Variants in CATSPERE observed in about 807,000 individuals in gnomAD.
CATSPERE encodes the protein catsper channel auxiliary subunit epsilon, also known as cation channel sperm-associated auxiliary subunit epsilon.
CATSPERE carries 93 observed loss-of-function variants against 114.1 expected under a neutral mutation model. That is an observed-to-expected ratio of 0.81 (90% confidence interval 0.69 to 0.97). The LOEUF is 0.97. Ranked by LOEUF, CATSPERE falls within the 50% of genes least tolerant of loss-of-function variation. The pLI is 0.00. For missense variants in CATSPERE, 1,058 were observed against 1,131.6 expected (o/e 0.93, Z 0.93); for synonymous variants, 341 against 384.1 (o/e 0.89, Z 1.31).
intron 8 of CATSPERE, among the ~76,000 whole-genome samples, chr1:244,528,491 A>T (rs546424558): frequency 3.2e-4 from 48 of 152,202 alleles, no homozygotes; most frequent in Admixed American, 7.9e-4. Flanking sequence ...TAGTTTTTTT[A>T]AATTTTTAAA....
chr1:244,557,582 TAA>T (rs1322096175), intron 9 of CATSPERE, among the ~76,000 whole-genome samples: 2 of 108,106 alleles, frequency 1.9e-5, no homozygotes, highest in South Asian at 3.0e-4. Flanking sequence ...TATATATATA[TAA>T]AATCTCCCAG....
At chr1:244,622,175 A>G (rs1051497284) in intron 20 of CATSPERE, among the ~76,000 whole-genome samples, 1 of 152,184 alleles carries the variant, frequency 6.6e-6, no homozygotes, top group Non-Finnish European at 1.5e-5. Flanking sequence ...GTAAGGTTTT[A>G]TGTAATAAAA....
chr1:244,588,291 C>T (rs1430005336), intron 13 of CATSPERE, among the ~76,000 whole-genome samples, 191 bp from the exon 14 acceptor site: 1 of 136,800 alleles, frequency 7.3e-6, no homozygotes, highest in Non-Finnish European at 1.6e-5. Context: ...GCAGTAAAGA[C>T]AAAAGGAAGG....
At chr1:244,580,808 C>G (rs934365816) in intron 11 of CATSPERE, among the ~76,000 whole-genome samples, 9 of 152,132 alleles carry the variant, frequency 5.9e-5, no homozygotes, top group African/African-American at 2.2e-4. Flanking sequence ...CAAGACCAGC[C>G]TGACCAACAT....
chr1:244,490,515 G>C (rs371816626), intron 6 of CATSPERE, 44 bp downstream of exon 6: 25 of 1,121,186 alleles, frequency 2.2e-5, no homozygotes, highest in Middle Eastern at 2.0e-4. Context: ...TATATCACTA[G>C]TATATTGTTT....
Position 244,553,602 on chromosome 1 carries a change from TACACACACACAC to T in CATSPERE, c.1029+820_1029+831del, listed in dbSNP as rs67626437. Among the ~76,000 whole-genome samples the T allele has an allele frequency of 6.4e-3, 590 of 91,946 alleles. 9 individuals are homozygous for T. Among genetic ancestry groups the T allele is most frequent in the African/African-American group, 0.025 (502 of 19,788 alleles). The allele number at this position is 91,946 out of a possible 152,430, so 60.3% of individuals were successfully genotyped here. On this transcript the variant is annotated intron_variant, in intron 9 of 21. Transcript: ENST00000366534. The stretch of plus-strand genomic sequence containing the variant: ...TCTCAAAAAAAAAAAAAAAAAAAAA[TACACACACACAC>T]ACACACACACACACACACACACACA...
At chr1:244,551,182 A>G (rs1328330120) in intron 8 of CATSPERE, among the ~76,000 whole-genome samples, 2 of 152,196 alleles carry the variant, frequency 1.3e-5, no homozygotes, top group Non-Finnish European at 2.9e-5. Context: ...CAGGGTCTCA[A>G]AAAATGTATG....
rs746428157 is a variant in CATSPERE, at chr1:244,588,482, G to T, written c.2086G>T (p.Val696Leu). Reference sequence around the variant, plus strand: ...CACTACCTAAGTTACTTCATTTTAGGTGTTCCAAATAGCTGTTGGCTGTGA... The same window carrying T: ...CACTACCTAAGTTACTTCATTTTAGTTGTTCCAAATAGCTGTTGGCTGTGA... The part of the protein sequence containing the change: ...YSKACPIAQK[V>L]FQIAVGCDDK... Residue 696 changes from valine to leucine, a missense_variant and splice_region_variant, in exon 14 of 22, where the codon GTG becomes TTG. Physicochemically the swap from Val to Leu is conservative, Grantham distance 32 (BLOSUM62 1). Coordinates refer to ENST00000366534, the MANE Select transcript of CATSPERE (RefSeq NM_001130957.2). 1 of 1,609,970 alleles carries T rather than the reference G, an allele frequency of 6.2e-7. No homozygotes were observed. The highest frequency in any genetic ancestry group is 1.7e-5 in the Admixed American group (1 of 59,996).
chr1:244,486,969 G>A (rs368349894), intron 5 of CATSPERE, among the ~76,000 whole-genome samples: 495 of 148,396 alleles, frequency 3.3e-3, no homozygotes, highest in Non-Finnish European at 4.5e-3. Flanking sequence ...TGGAGTACTC[G>A]TGGGCCATGT....
chr1:244,511,706 G>A (rs972375208), intron 7 of CATSPERE, among the ~76,000 whole-genome samples: 2 of 152,074 alleles, frequency 1.3e-5, no homozygotes, highest in Non-Finnish European at 2.9e-5. Flanking sequence ...TCCAGATATA[G>A]GACTTCCTTA....
chr1:244,584,542 A>G (rs1331595562), intron 13 of CATSPERE, among the ~76,000 whole-genome samples: 1 of 151,850 alleles, frequency 6.6e-6, no homozygotes, highest in African/African-American at 2.4e-5. Flanking sequence ...ACTATATTAT[A>G]TATTATATTA....
chr1:244,559,105 G>C (rs1662148851), intron 9 of CATSPERE, among the ~76,000 whole-genome samples: 1 of 152,212 alleles, frequency 6.6e-6, no homozygotes, highest in Non-Finnish European at 1.5e-5. Context: ...GTGAGTGAGA[G>C]TGAAAACTCA....
At chr1:244,581,709 T>A in intron 11 of CATSPERE, 87 bp from the exon 12 acceptor site, 1 of 602,296 alleles carries the variant, frequency 1.7e-6, no homozygotes, top group Non-Finnish European at 3.0e-6. Context: ...TTTACATGCC[T>A]AGATGTAGAA....
At chr1:244,617,271 G>C (rs1671512858) in intron 19 of CATSPERE, among the ~76,000 whole-genome samples, 1 of 152,180 alleles carries the variant, frequency 6.6e-6, no homozygotes, top group South Asian at 2.1e-4. Flanking sequence ...GTTGATTTAG[G>C]AAAATAATAT....
chr1:244,541,289 T>A (rs961432939), intron 8 of CATSPERE, among the ~76,000 whole-genome samples: 1 of 148,846 alleles, frequency 6.7e-6, no homozygotes, highest in Non-Finnish European at 1.5e-5. Context: ...GAATCTACAA[T>A]GAACTCAAAC....
chr1:244,627,999 C>G (rs562367304), intron 20 of CATSPERE, among the ~76,000 whole-genome samples: 1 of 152,326 alleles, frequency 6.6e-6, no homozygotes, highest in Admixed American at 6.5e-5. Context: ...CACTTAATAG[C>G]CATCCTGGCT....
chr1:244,577,786 A>G (rs1415783296), intron 11 of CATSPERE, among the ~76,000 whole-genome samples: 5 of 152,212 alleles, frequency 3.3e-5, no homozygotes, highest in African/African-American at 1.2e-4. Flanking sequence ...CCATAGCACT[A>G]TCAGTGTAAT....
chr1:244,589,927 T>TA (rs1378440270), intron 14 of CATSPERE, among the ~76,000 whole-genome samples: 1 of 152,162 alleles, frequency 6.6e-6, no homozygotes, highest in African/African-American at 2.4e-5. Context: ...AAAACTCTAA[T>TA]ATCTTGGGCT....
chr1:244,497,161 C>T (rs552659361), intron 6 of CATSPERE, among the ~76,000 whole-genome samples: 1 of 152,232 alleles, frequency 6.6e-6, no homozygotes, highest in South Asian at 2.1e-4. Context: ...TCTCTTACAA[C>T]CTGGTAATTG....
Sources: gnomAD v4.1 joint callset for allele counts (sites outside exome capture counted in the v4.1 genomes callset) on GRCh38, gnomAD v4.1.1 for gene constraint, MANE v1.5 for transcripts, NCBI Gene and HGNC (gene_info 2026-07-23, HGNC 2026-07-21) for gene names.